Variants in RARS2 observed in about 807,000 individuals in gnomAD.
The protein encoded by RARS2 is arginyl-tRNA synthetase 2, mitochondrial, also known as probable arginine--tRNA ligase, mitochondrial.
RARS2 carries 67 observed loss-of-function variants against 88.5 expected under a neutral mutation model. The ratio of observed to expected loss-of-function variants is 0.76; its 90% CI spans 0.62 to 0.93. The LOEUF is 0.93. Among genes scored for constraint, RARS2 ranks in the 40% least tolerant of loss-of-function variants. The pLI is 0.00. For synonymous variants in RARS2, 239 were observed against 230.3 expected (o/e 1.04, Z -0.34); for missense variants, 664 against 684.2 (o/e 0.97, Z 0.33).
intron 2 of RARS2, among the ~76,000 whole-genome samples, chr6:87,566,736 A>AT (rs985515043): frequency 1.6e-4 from 24 of 150,590 alleles, no homozygotes. Flanking sequence ...GTCCCAGCTA[A>AT]TTGACAGGCT....
At chr6:87,521,126 T>G (rs1773689514) in intron 12 of RARS2, among the ~76,000 whole-genome samples, 1 of 152,204 alleles carries the variant, frequency 6.6e-6, no homozygotes, top group Non-Finnish European at 1.5e-5. Flanking sequence ...TTCTTGTGAG[T>G]ATTAAATTAC....
At chr6:87,524,438 G>T in intron 11 of RARS2, 119 bp downstream of exon 11, 1 of 855,242 alleles carries the variant, frequency 1.2e-6, no homozygotes. Context: ...CAGTTTTACA[G>T]TTTATAGAAT....
intron 17 of RARS2, 104 bp from the exon 18 acceptor site, chr6:87,516,984 G>C: frequency 6.5e-7 from 1 of 1,528,408 alleles, no homozygotes; most frequent in South Asian, 1.2e-5. Flanking sequence ...ACACGATTAA[G>C]AGTAGAAGGT....
At chr6:87,545,157 G>T (rs1414469797) in intron 7 of RARS2, among the ~76,000 whole-genome samples, 1 of 152,172 alleles carries the variant, frequency 6.6e-6, no homozygotes, top group Non-Finnish European at 1.5e-5. Flanking sequence ...GGGTGCAGTG[G>T]ACTGCAGTCT....
chr6:87,578,407 TA>T (rs1406654387), intron 1 of RARS2, among the ~76,000 whole-genome samples: 5 of 152,218 alleles, frequency 3.3e-5, no homozygotes, highest in Non-Finnish European at 1.5e-5. Context: ...TGGGGTAGTT[TA>T]AAAAATTCTT....
At chr6:87,558,229 G>C (rs528105264) in intron 4 of RARS2, among the ~76,000 whole-genome samples, 2 of 150,890 alleles carry the variant, frequency 1.3e-5, no homozygotes, top group African/African-American at 4.9e-5. Context: ...TCTCTCTATT[G>C]CTACAGACTG....
rs75132140 is a variant in RARS2, at chr6:87,537,609, T to C, written c.612+4309A>G. ...TTCAGGCATTTACTGCAAGCCATAATATTTAGGGTTGTGGATAAGGAAGGT... is the reference window on the plus strand; with the variant it reads ...TTCAGGCATTTACTGCAAGCCATAACATTTAGGGTTGTGGATAAGGAAGGT... On this transcript the variant is annotated intron_variant, in intron 8 of 19. Coordinates refer to ENST00000369536, the MANE Select transcript of RARS2 (RefSeq NM_020320.5). 9.6e-3 allele frequency among the ~76,000 whole-genome samples: 1,469 copies of C among 152,240 alleles called. 11 individuals are homozygous for C. Among genetic ancestry groups the C allele is most frequent in the African/African-American group, 0.034 (1,410 of 41,536 alleles).
In RARS2 at chr6:87,562,713, GCTCT is replaced by G. The variant is rs767056243; in HGVS notation, c.282_285del (p.Arg94SerfsTer3). The G allele has an allele frequency of 8.1e-6, 13 of 1,607,358 alleles. No individual in the cohort carries two copies. In the East Asian group the frequency reaches 1.3e-4, roughly 17 times the overall value. On this transcript the variant is annotated frameshift_variant, in exon 4 of 20. Transcript: ENST00000369536. LOFTEE classifies it high-confidence loss of function. The stretch of plus-strand genomic sequence containing the variant: ...TAACTTATTCTTACCTTTGTTAAGA[GCTCT>G]CTGTTTATTTTGAAATTTACAGTCC...
At chr6:87,545,504 G>T in intron 7 of RARS2, 112 bp downstream of exon 7, 2 of 1,345,688 alleles carry the variant, frequency 1.5e-6, no homozygotes, top group African/African-American at 1.5e-5. Flanking sequence ...AAAAAAATAG[G>T]TAGGACATAC....
intron 5 of RARS2, among the ~76,000 whole-genome samples, chr6:87,551,031 C>G (rs2128133061): frequency 6.6e-6 from 1 of 151,556 alleles, no homozygotes; most frequent in Admixed American, 6.6e-5. Flanking sequence ...TTAAGAAAAA[C>G]AAAAACAAAA....
At chr6:87,534,445 T>A (rs1371768279) in intron 8 of RARS2, among the ~76,000 whole-genome samples, 1 of 152,242 alleles carries the variant, frequency 6.6e-6, no homozygotes, top group Non-Finnish European at 1.5e-5. Flanking sequence ...TAACTCCTTG[T>A]AGAGCACCAC....
intron 4 of RARS2, among the ~76,000 whole-genome samples, chr6:87,560,043 C>T (rs996491106): frequency 1.3e-5 from 2 of 152,176 alleles, no homozygotes; most frequent in Admixed American, 6.5e-5. Flanking sequence ...TGTGTAAGTA[C>T]ACTCTATGAT....
At chr6:87,584,147 C>T (rs776840918) in intron 1 of RARS2, among the ~76,000 whole-genome samples, 2 of 152,232 alleles carry the variant, frequency 1.3e-5, no homozygotes, top group African/African-American at 2.4e-5. Context: ...AGGTTTCTCT[C>T]CTGTAACACA....
At chr6:87,519,816 T>G in intron 13 of RARS2, 109 bp from the exon 14 acceptor site, 1 of 1,301,370 alleles carries the variant, frequency 7.7e-7, no homozygotes, top group South Asian at 1.2e-5. Flanking sequence ...AGCAGAGTTT[T>G]TAAAAATTAA....
At chr6:87,530,616 G>C (rs1190367084) in intron 9 of RARS2, among the ~76,000 whole-genome samples, 168 bp downstream of exon 9, 1 of 152,076 alleles carries the variant, frequency 6.6e-6, no homozygotes, top group African/African-American at 2.4e-5. Flanking sequence ...ACTGCTTCAG[G>C]ATTATTTTGC....
intron 10 of RARS2, among the ~76,000 whole-genome samples, chr6:87,528,242 CAAAA>C (rs71018029): frequency 4.2e-5 from 5 of 119,686 alleles, no homozygotes; most frequent in Non-Finnish European, 1.9e-5. Flanking sequence ...GCTTTTATAA[CAAAA>C]AAAAAAAAAA....
At chr6:87,524,773 C>T (rs1775120563) in intron 10 of RARS2, 121 bp from the exon 11 acceptor site, 4 of 715,294 alleles carry the variant, frequency 5.6e-6, no homozygotes, top group Non-Finnish European at 9.9e-6. Flanking sequence ...ATGAGCAGTG[C>T]CAATTCAAGC....
At chr6:87,551,296 T>A (rs950305214) in intron 5 of RARS2, among the ~76,000 whole-genome samples, 3 of 152,174 alleles carry the variant, frequency 2.0e-5, no homozygotes, top group African/African-American at 7.2e-5. Context: ...AATTACTTCA[T>A]GTAATTTCCT....
At chr6:87,571,331 C>T (rs1357646889) in intron 1 of RARS2, among the ~76,000 whole-genome samples, 1 of 152,222 alleles carries the variant, frequency 6.6e-6, no homozygotes. Flanking sequence ...TTTCCTGAGG[C>T]CTCCCCAGCC....
Sources: allele counts gnomAD v4.1 joint callset (sites outside exome capture counted in the v4.1 genomes callset), GRCh38; gene constraint gnomAD v4.1.1; transcripts MANE v1.5; gene names NCBI Gene and HGNC (gene_info 2026-07-23, HGNC 2026-07-21).